CDH4: variants seen among roughly 807,000 people sequenced by gnomAD.
CDH4 encodes cadherin 4.
CDH4 carries 33 observed loss-of-function variants against 86.0 expected under a neutral mutation model. The ratio of observed to expected loss-of-function variants is 0.38; its 90% confidence interval spans 0.29 to 0.51. The LOEUF (loss-of-function observed/expected upper bound fraction) is 0.51, where lower values mean the gene tolerates loss of function less well. CDH4 is among the 20% of genes least tolerant of loss of function. The pLI is 0.86. For missense variants in CDH4, 1,114 were observed against 1,307.4 expected, an observed-to-expected ratio of 0.85 and a Z score of 2.28; for synonymous variants, 555 against 549.4, an observed-to-expected ratio of 1.01 and a Z score of -0.14.
At chr20:61,545,897 A>G (rs73134517) in intron 2 of CDH4, among the ~76,000 whole-genome samples, 17,886 of 95,352 alleles carry the variant, frequency 0.19, 1,584 homozygotes, top group South Asian at 0.23. Flanking sequence ...ATGTGTTCGT[A>G]TGTGTGTGTG....
intron 2 of CDH4, among the ~76,000 whole-genome samples, chr20:61,308,738 C>T (rs1193469000): frequency 6.6e-6 from 1 of 152,224 alleles, no homozygotes. Context: ...TCTGTCAAAA[C>T]TGAATTTGAT....
At chr20:61,404,115 G>GGTGCAGCTGAGCTA (rs1385450613) in intron 2 of CDH4, among the ~76,000 whole-genome samples, 1 of 135,508 alleles carries the variant, frequency 7.4e-6, no homozygotes. Flanking sequence ...ACACTGGGCA[G>GGTGCAGCTGAGCTA]GTGCAGCTGA....
intron 2 of CDH4, among the ~76,000 whole-genome samples, chr20:61,418,912 G>A (rs888662239): frequency 1.3e-5 from 2 of 152,148 alleles, no homozygotes; most frequent in African/African-American, 4.8e-5. Flanking sequence ...TTGGCTTGTG[G>A]CCACATCACT....
At chr20:61,281,902 T>G (rs893989454) in intron 2 of CDH4, among the ~76,000 whole-genome samples, 1 of 152,244 alleles carries the variant, frequency 6.6e-6, no homozygotes, top group Non-Finnish European at 1.5e-5. Flanking sequence ...GCCATGATTC[T>G]GAATCTATTT....
At chr20:61,900,648 A>G (rs1985353184) in intron 8 of CDH4, among the ~76,000 whole-genome samples, 1 of 152,204 alleles carries the variant, frequency 6.6e-6, no homozygotes. Context: ...CTGGGGGTCA[A>G]GACTTAGTCC....
chr20:61,823,833 C>A (rs1404083673), intron 4 of CDH4, among the ~76,000 whole-genome samples: 1 of 152,212 alleles, frequency 6.6e-6, no homozygotes, highest in Non-Finnish European at 1.5e-5. Context: ...ACATGCTATT[C>A]TCTGCTAAGT....
At chr20:61,725,946 A>T (rs1465113408) in intron 2 of CDH4, among the ~76,000 whole-genome samples, 2 of 152,186 alleles carry the variant, frequency 1.3e-5, no homozygotes, top group Non-Finnish European at 2.9e-5. Context: ...CTTGTGTTTG[A>T]AAGGATCCAC....
intron 2 of CDH4, among the ~76,000 whole-genome samples, chr20:61,407,634 A>G (rs2085091532): frequency 6.6e-6 from 1 of 152,212 alleles, no homozygotes; most frequent in Admixed American, 6.5e-5. Flanking sequence ...GAAATGAATG[A>G]GTCTGTCCTG....
chr20:61,291,532 C>T lies in CDH4; in HGVS notation c.169+36595C>T, dbSNP rs1255325946. Among the ~76,000 whole-genome samples the T allele has an allele frequency of 2.0e-5, 3 of 152,306 alleles. No homozygotes were observed. In the East Asian group the frequency reaches 5.8e-4, roughly 29 times the overall value. On this transcript the variant is annotated intron_variant, in intron 2 of 15. Transcript: ENST00000614565. ...GTAAGGGGGGATAATGGAGTGCCTC[C>T]TTCATGTAGGGTGAAATAGCTAAGA...
At chr20:61,715,984 G>A (rs1431551125) in intron 2 of CDH4, among the ~76,000 whole-genome samples, 7 of 152,186 alleles carry the variant, frequency 4.6e-5, no homozygotes, top group Non-Finnish European at 7.3e-5. Flanking sequence ...GGCTTTCTTC[G>A]GCCAGACATG....
intron 2 of CDH4, among the ~76,000 whole-genome samples, chr20:61,396,475 A>C (rs953528209): frequency 6.6e-6 from 1 of 152,188 alleles, no homozygotes; most frequent in South Asian, 2.1e-4. Context: ...CGTTCTGCGC[A>C]TAGACCACCT....
rs1339239791 is a variant in CDH4, at chr20:61,565,213, C to CTTGGTGATGGTGGTGGTGG, written c.170-178349_170-178348insTGGTGATGGTGGTGGTGGT. ...TCCTCTTGGTGGTGGTCGCGGTGCT[C>CTTGGTGATGGTGGTGGTGG]TCGGTGGTAGGTGGTGGTGGTGGTG... On this transcript the variant is annotated intron_variant, in intron 2 of 15. Coordinates refer to ENST00000614565, the MANE Select transcript of CDH4 (RefSeq NM_001794.5). Among the ~76,000 whole-genome samples, 4 of 18,192 alleles carry CTTGGTGATGGTGGTGGTGG rather than the reference C, an allele frequency of 2.2e-4. 1 individual carries two copies. Among genetic ancestry groups the CTTGGTGATGGTGGTGGTGG allele is most frequent in the Non-Finnish European group, 4.2e-4 (4 of 9,572 alleles). 11.9% of individuals were successfully genotyped at this position (18,192 alleles called of 152,430 possible). A position where few individuals can be genotyped will look rare whatever the true frequency, so the allele number is the denominator to read the frequency against.
At chr20:61,912,982 G>A (rs2054866899) in intron 9 of CDH4, among the ~76,000 whole-genome samples, 1 of 152,226 alleles carries the variant, frequency 6.6e-6, no homozygotes, top group East Asian at 1.9e-4. Flanking sequence ...TGCAGGCAGA[G>A]GAGAGGAGTG....
At chr20:61,844,163 T>C (rs1050932653) in intron 4 of CDH4, among the ~76,000 whole-genome samples, 1 of 152,234 alleles carries the variant, frequency 6.6e-6, no homozygotes, top group African/African-American at 2.4e-5. Flanking sequence ...CCTGTGTCTT[T>C]CCATTTCCTC....
intron 6 of CDH4, 95 bp from the exon 7 acceptor site, chr20:61,873,633 A>C: frequency 1.4e-5 from 19 of 1,352,860 alleles, no homozygotes; most frequent in Non-Finnish European, 1.8e-5. Context: ...AGACTCACGG[A>C]GAGCTCTGTG....
chr20:61,678,643 C>T (rs1047504156), intron 2 of CDH4, among the ~76,000 whole-genome samples: 4 of 152,170 alleles, frequency 2.6e-5, no homozygotes, highest in Admixed American at 6.5e-5. Context: ...TCCTGGAGGC[C>T]GGGAGTCTGA....
At chr20:61,410,127 G>A (rs1024403516) in intron 2 of CDH4, among the ~76,000 whole-genome samples, 2 of 152,238 alleles carry the variant, frequency 1.3e-5, no homozygotes, top group African/African-American at 4.8e-5. Flanking sequence ...CAGGCTAGAT[G>A]TATGGAGAAG....
chr20:61,461,300 A>G (rs2085440795), intron 2 of CDH4, among the ~76,000 whole-genome samples: 1 of 152,184 alleles, frequency 6.6e-6, no homozygotes, highest in Non-Finnish European at 1.5e-5. Context: ...AAAGGGTATT[A>G]AGAAAATCAA....
At chr20:61,776,250 C>T (rs1489343614) in intron 4 of CDH4, among the ~76,000 whole-genome samples, 3 of 152,236 alleles carry the variant, frequency 2.0e-5, no homozygotes, top group African/African-American at 4.8e-5. Context: ...CTGATTAACA[C>T]GAGCTTGGAA....
Sources: allele counts gnomAD v4.1 joint callset (sites outside exome capture counted in the v4.1 genomes callset), GRCh38; gene constraint gnomAD v4.1.1; transcripts MANE v1.5; gene names NCBI Gene and HGNC (gene_info 2026-07-23, HGNC 2026-07-21).